SSBP2: variants seen among roughly 807,000 people sequenced by gnomAD.
SSBP2 encodes the protein single-stranded DNA-binding protein 2.
Under a neutral mutation model 61.8 loss-of-function variants are expected in SSBP2, and 17 were observed. The observed-to-expected ratio is 0.28, with a 90% confidence interval of 0.19 to 0.41. SSBP2 has a LOEUF of 0.41. Ranked by LOEUF, SSBP2 falls within the 10% of genes least tolerant of loss-of-function variation. SSBP2 has a pLI of 1.00. For synonymous variants in SSBP2, 139 were observed against 141.3 expected, an observed-to-expected ratio of 0.98 and a Z score of 0.12; for missense variants, 310 against 458.7, an observed-to-expected ratio of 0.68 and a Z score of 2.96.
At position 81,418,850 on chromosome 5, in the gene SSBP2, T is replaced by C. The variant is rs1761437659; in HGVS notation, c.*1654A>G. 6.6e-6 allele frequency: 1 copy of C among 152,226 alleles called. No individual in the cohort carries two copies. The highest frequency in any genetic ancestry group is 2.4e-5 in the African/African-American group (1 of 41,472). 9.4% of individuals were successfully genotyped at this position (152,226 alleles called of 1,614,324 possible). A position where few individuals can be genotyped will look rare whatever the true frequency, so the allele number is the denominator to read the frequency against. ...AATGTCATTATGAGCTGCATGACTA[T>C]ATCCTGCCAAATTTTCACTTTAGAG... is the stretch of plus-strand genomic sequence containing the variant. On this transcript the variant is annotated 3_prime_UTR_variant, in exon 17 of 17. Coordinates refer to ENST00000320672, the MANE Select transcript of SSBP2 (RefSeq NM_012446.5).
chr5:81,749,833 G>T (rs1400975342), intron 1 of SSBP2, among the ~76,000 whole-genome samples: 1 of 152,206 alleles, frequency 6.6e-6, no homozygotes, highest in Non-Finnish European at 1.5e-5. Flanking sequence ...CTCTGTTCTC[G>T]CCAGCCGCCT....
At chr5:81,613,930 A>C (rs1745718167) in intron 4 of SSBP2, among the ~76,000 whole-genome samples, 1 of 152,170 alleles carries the variant, frequency 6.6e-6, no homozygotes, top group South Asian at 2.1e-4. Context: ...TCTACTTTTT[A>C]TTTGCAGTAG....
Position 81,587,561 on chromosome 5 carries a change from C to T in SSBP2, c.282+27912G>A, listed in dbSNP as rs116365908. Among the ~76,000 whole-genome samples the T allele has an allele frequency of 9.6e-3, 1,468 of 152,150 alleles. 16 individuals carry two copies. The highest frequency in any genetic ancestry group is 0.033 in the African/African-American group (1,384 of 41,512). On this transcript the variant is annotated intron_variant, in intron 4 of 16. Transcript: ENST00000320672. ...CCTGTCCAACATGGTGAAACCTCAA[C>T]TCTACTGAAAATACAAAAATTAGCC...
Position 81,414,415 on chromosome 5 carries a change from T to A in SSBP2, c.*6089A>T, listed in dbSNP as rs1761234236. The A allele has an allele frequency of 6.6e-6, 1 of 152,212 alleles. No individual in the cohort carries two copies. The highest frequency in any genetic ancestry group is 1.5e-5 in the Non-Finnish European group (1 of 68,022). 9.4% of individuals were successfully genotyped at this position (152,212 alleles called of 1,614,324 possible). On this transcript the variant is annotated 3_prime_UTR_variant, in exon 17 of 17. Transcript: ENST00000320672. ...ACAGAGGAAATTCTCCTTGGGACAC[T>A]TATTGAACTGAGGATTTCACTTCAT... is the stretch of plus-strand genomic sequence containing the variant.
chr5:81,701,098 G>A (rs1030026804), intron 1 of SSBP2, among the ~76,000 whole-genome samples: 1 of 152,096 alleles, frequency 6.6e-6, no homozygotes, highest in African/African-American at 2.4e-5. Context: ...AGGCTTAATC[G>A]TTTCTAGCTT....
At chr5:81,594,699 C>T (rs1179943096) in intron 4 of SSBP2, among the ~76,000 whole-genome samples, 27 of 152,118 alleles carry the variant, frequency 1.8e-4, no homozygotes, top group Non-Finnish European at 2.4e-4. Flanking sequence ...CACTCAAAAC[C>T]GCTCAACTAC....
At chr5:81,592,610 C>T (rs965287422) in intron 4 of SSBP2, among the ~76,000 whole-genome samples, 6 of 152,174 alleles carry the variant, frequency 3.9e-5, no homozygotes, top group Admixed American at 2.6e-4. Flanking sequence ...CGGACTGACA[C>T]CTTACACAGC....
At position 81,679,372 on chromosome 5, in the gene SSBP2, T is replaced by G. The variant is rs77523526; in HGVS notation, c.63-29033A>C. 1.5e-3 allele frequency among the ~76,000 whole-genome samples: 223 copies of G among 152,334 alleles called. 3 individuals carry two copies. In the East Asian group the frequency reaches 0.035, roughly 24 times the overall value. On this transcript the variant is annotated intron_variant, in intron 1 of 16. Coordinates refer to ENST00000320672, the MANE Select transcript of SSBP2 (RefSeq NM_012446.5). ...TTCAAAGTAAAATATCAACAATGTA[T>G]TTGATTATGTATGCTTATATACGTA...
chr5:81,679,812 A>G (rs1173322838), intron 1 of SSBP2, among the ~76,000 whole-genome samples: 1 of 152,202 alleles, frequency 6.6e-6, no homozygotes, highest in African/African-American at 2.4e-5. Flanking sequence ...GTGGTAAAAC[A>G]TCATACATTT....
chr5:81,737,234 C>T (rs1486177952), intron 1 of SSBP2, among the ~76,000 whole-genome samples: 1 of 148,376 alleles, frequency 6.7e-6, no homozygotes, highest in East Asian at 2.0e-4. Context: ...AACCTCTTTA[C>T]AACACAATAA....
At chr5:81,622,137 A>C (rs1746645496) in intron 3 of SSBP2, among the ~76,000 whole-genome samples, 1 of 150,982 alleles carries the variant, frequency 6.6e-6, no homozygotes, top group African/African-American at 2.4e-5. Flanking sequence ...AAAAAAAAAG[A>C]AAATACATTG....
rs927691358 is a variant in SSBP2 at position 81,618,358 on chromosome 5, G to A, written c.198-2801C>T. Among the ~76,000 whole-genome samples the A allele has an allele frequency of 1.3e-3, 134 of 100,302 alleles. 15 individuals carry two copies. In the East Asian group the frequency reaches 0.041, roughly 31 times the overall value. The allele number at this position is 100,302 out of a possible 152,430, so 65.8% of individuals were successfully genotyped here. On this transcript the variant is annotated intron_variant, in intron 3 of 16. Coordinates refer to ENST00000320672, the MANE Select transcript of SSBP2 (RefSeq NM_012446.5). ...ACAAAGATGAAAAGAGACAAAGAAG[G>A]CCATTACATAATGGTAAAGGGATCA...
intron 10 of SSBP2, 22 bp downstream of exon 10, chr5:81,461,033 A>AT: frequency 7.7e-7 from 1 of 1,305,214 alleles, no homozygotes; most frequent in Admixed American, 3.1e-5. Flanking sequence ...AAATATTAAA[A>AT]AAAATATATA....
chr5:81,690,386 T>G (rs1328328511), intron 1 of SSBP2, among the ~76,000 whole-genome samples: 1 of 151,968 alleles, frequency 6.6e-6, no homozygotes, highest in Non-Finnish European at 1.5e-5. Context: ...ACACAAAGAC[T>G]GAAAATAAAG....
intron 4 of SSBP2, among the ~76,000 whole-genome samples, chr5:81,515,160 CAAT>C (rs567615440): frequency 2.3e-3 from 342 of 151,892 alleles, no homozygotes; most frequent in African/African-American, 7.0e-3. Context: ...TTTAATACAA[CAAT>C]GTTACAGTAA....
At position 81,466,679 on chromosome 5, in the gene SSBP2, G is replaced by C. The variant is rs544227752; in HGVS notation, c.638+295C>G. 2.4e-4 allele frequency among the ~76,000 whole-genome samples: 36 copies of C among 151,750 alleles called. No homozygotes were observed. In the South Asian group the frequency reaches 4.0e-3, roughly 17 times the overall value. On this transcript the variant is annotated intron_variant, in intron 9 of 16. Coordinates refer to ENST00000320672, the MANE Select transcript of SSBP2 (RefSeq NM_012446.5). The stretch of plus-strand genomic sequence containing the variant: ...ATGGAGACTCTGTAGTTATCAAAAT[G>C]AAATAGACTAAAAGCTGTTATTTAT...
intron 1 of SSBP2, among the ~76,000 whole-genome samples, chr5:81,667,408 C>A (rs1480110528): frequency 6.6e-6 from 1 of 152,002 alleles, no homozygotes; most frequent in Non-Finnish European, 1.5e-5. Flanking sequence ...TGGAAAACCA[C>A]TGACTACTCA....
intron 1 of SSBP2, among the ~76,000 whole-genome samples, chr5:81,732,595 C>T (rs144146490): frequency 1.6e-4 from 24 of 152,072 alleles, no homozygotes; most frequent in African/African-American, 4.8e-4. Flanking sequence ...TAAGAACTTC[C>T]TTTTTTCACA....
At chr5:81,514,091 T>C (rs904157657) in intron 4 of SSBP2, among the ~76,000 whole-genome samples, 2 of 152,140 alleles carry the variant, frequency 1.3e-5, no homozygotes, top group African/African-American at 4.8e-5. Flanking sequence ...GGTAAAAAGT[T>C]TGAAGATGGT....
Sources: gnomAD v4.1 joint callset for allele counts (sites outside exome capture counted in the v4.1 genomes callset) on GRCh38, gnomAD v4.1.1 for gene constraint, MANE v1.5 for transcripts, NCBI Gene and HGNC (gene_info 2026-07-23, HGNC 2026-07-21) for gene names.